The following SCAI variants were observed in gnomAD, a reference collection of about 807,000 sequenced individuals.
SCAI encodes the protein protein SCAI.
Under a neutral mutation model 92.2 loss-of-function variants are expected in SCAI, and 24 were observed. The observed-to-expected ratio is 0.26, with a 90% CI of 0.19 to 0.37. SCAI has a LOEUF of 0.37. Among genes scored for constraint, SCAI ranks in the 10% least tolerant of loss-of-function variants. The pLI, the probability that SCAI is intolerant of heterozygous loss-of-function variation, is 1.00. For missense variants in SCAI, 450 were observed against 736.2 expected, an observed-to-expected ratio of 0.61 and a Z score of 4.50; for synonymous variants, 261 against 258.6, an observed-to-expected ratio of 1.01 and a Z score of -0.09.
At chr9:125,089,739 C>G (rs1440158217) in intron 2 of SCAI, among the ~76,000 whole-genome samples, 2 of 152,068 alleles carry the variant, frequency 1.3e-5, no homozygotes, top group East Asian at 3.9e-4. Flanking sequence ...GGGTCTCACT[C>G]TGTCACCCAG....
In SCAI at chr9:125,127,725, C is replaced by T. The variant is rs929228393; in HGVS notation, c.98+14908G>A. ...CAAGCTGCTCCATTTAAGATTTTTC[C>T]GGCCGAACGAGGTGGCACACGCCTG... On this transcript the variant is annotated intron_variant, in intron 2 of 17. Coordinates refer to ENST00000336505, the MANE Select transcript of SCAI (RefSeq NM_001144877.3). 2.6e-5 allele frequency among the ~76,000 whole-genome samples: 4 copies of T among 151,960 alleles called. 1 individual carries two copies. The highest frequency in any genetic ancestry group is 4.1e-4 in the South Asian group (2 of 4,822).
At chr9:125,066,578 C>T (rs1833875695) in intron 2 of SCAI, among the ~76,000 whole-genome samples, 1 of 152,074 alleles carries the variant, frequency 6.6e-6, no homozygotes, top group Admixed American at 6.5e-5. Flanking sequence ...GCCTCAGCCT[C>T]ATGAGTAGCT....
At chr9:125,066,134 G>A in intron 2 of SCAI, 1 of 626,844 alleles carries the variant, frequency 1.6e-6, no homozygotes. Flanking sequence ...CATTTCCATA[G>A]AAATTTCAAA....
At chr9:125,099,758 C>G (rs1437175059) in intron 2 of SCAI, among the ~76,000 whole-genome samples, 1 of 152,126 alleles carries the variant, frequency 6.6e-6, no homozygotes, top group Non-Finnish European at 1.5e-5. Flanking sequence ...AATTTGACTA[C>G]TCTAAGTACT....
intron 3 of SCAI, among the ~76,000 whole-genome samples, chr9:125,031,053 C>CT (rs139013892): frequency 0.22 from 34,024 of 151,958 alleles, 4,234 homozygotes; most frequent in African/African-American, 0.31. Flanking sequence ...CCCCAAGTAC[C>CT]TTTTTTCAGT....
At position 124,971,663 on chromosome 9, in the gene SCAI, G is replaced by A; in HGVS notation, c.1573+8C>T. On this transcript the variant is annotated splice_region_variant and intron_variant, in intron 16 of 17. Transcript: ENST00000336505. ...TCTGTTAAACGTGCAGTTAGATTAG[G>A]AGGGTACCTATTGAACGTGAATGAG... The A allele has an allele frequency of 6.3e-7, 1 of 1,591,830 alleles. No individual in the cohort carries two copies.
chr9:125,028,338 A>G, intron 5 of SCAI, 54 bp downstream of exon 5: 6 of 981,384 alleles, frequency 6.1e-6, no homozygotes, highest in Non-Finnish European at 9.6e-6. Flanking sequence ...ATACTTCTGC[A>G]TGCTGTGTTT....
chr9:125,007,506 C>T (rs1832535560), intron 9 of SCAI, among the ~76,000 whole-genome samples: 1 of 152,094 alleles, frequency 6.6e-6, no homozygotes, highest in African/African-American at 2.4e-5. Context: ...CTTGGCAATA[C>T]AGCAACACCC....
intron 2 of SCAI, among the ~76,000 whole-genome samples, chr9:125,076,639 C>T (rs1235001640): frequency 6.6e-6 from 1 of 152,088 alleles, no homozygotes; most frequent in Non-Finnish European, 1.5e-5. Context: ...TCGAGGCAGG[C>T]AAATTGTTTG....
At chr9:125,137,488 C>T (rs1835565089) in intron 2 of SCAI, among the ~76,000 whole-genome samples, 1 of 152,208 alleles carries the variant, frequency 6.6e-6, no homozygotes, top group African/African-American at 2.4e-5. Context: ...TCCCTCTTTA[C>T]CTCTGAATCA....
At chr9:125,073,256 T>C (rs60593061) in intron 2 of SCAI, among the ~76,000 whole-genome samples, 3 of 149,350 alleles carry the variant, frequency 2.0e-5, no homozygotes, top group African/African-American at 2.5e-5. Context: ...AGGCGCCCGC[T>C]ACCACGCCCG....
chr9:125,046,196 GAT>G (rs71374222), intron 3 of SCAI, among the ~76,000 whole-genome samples: 5,651 of 51,836 alleles, frequency 0.11, 364 homozygotes, highest in South Asian at 0.17. Flanking sequence ...GAAATTGTGA[GAT>G]ATATATATAT....
At chr9:125,116,547 A>C (rs893502292) in intron 2 of SCAI, among the ~76,000 whole-genome samples, 1 of 152,146 alleles carries the variant, frequency 6.6e-6, no homozygotes, top group Non-Finnish European at 1.5e-5. Context: ...AGATGTTTAA[A>C]TTTTTTATTA....
intron 2 of SCAI, among the ~76,000 whole-genome samples, chr9:125,135,203 A>G (rs1835495934): frequency 6.6e-6 from 1 of 152,230 alleles, no homozygotes; most frequent in Non-Finnish European, 1.5e-5. Flanking sequence ...ATACAAAGAA[A>G]TAATAATGCA....
chr9:125,128,253 G>A (rs1009045698), intron 2 of SCAI, among the ~76,000 whole-genome samples: 1 of 151,990 alleles, frequency 6.6e-6, no homozygotes, highest in Non-Finnish European at 1.5e-5. Context: ...GGCGTTCAAG[G>A]TGCTGTAAGC....
chr9:125,107,429 G>T (rs374316574), intron 2 of SCAI, among the ~76,000 whole-genome samples: 1 of 150,232 alleles, frequency 6.7e-6, no homozygotes. Context: ...AAAAGAAAAA[G>T]AAAAGAAAAA....
At chr9:124,979,283 T>G (rs1187065035) in intron 14 of SCAI, among the ~76,000 whole-genome samples, 1 of 152,006 alleles carries the variant, frequency 6.6e-6, no homozygotes, top group African/African-American at 2.4e-5. Context: ...CTCATGCCTG[T>G]AATCCCAGCA....
At chr9:125,140,304 G>A (rs1045540747) in intron 2 of SCAI, among the ~76,000 whole-genome samples, 16 of 152,260 alleles carry the variant, frequency 1.1e-4, no homozygotes, top group African/African-American at 3.8e-4. Context: ...TAGTCAGACA[G>A]AGCACTTGAG....
rs1831141651 is a variant in SCAI, at chr9:124,946,106, C to T, written c.*6701G>A. The T allele has an allele frequency of 6.6e-6, 1 of 152,168 alleles. No homozygotes were observed. The highest frequency in any genetic ancestry group is 2.4e-5 in the African/African-American group (1 of 41,454). 9.4% of individuals were successfully genotyped at this position (152,168 alleles called of 1,614,324 possible). On this transcript the variant is annotated 3_prime_UTR_variant, in exon 18 of 18. Transcript: ENST00000336505. This position sits in a 1 kb window ranked among gnomAD's most constrained non-coding sequence, Gnocchi z 4.0. ...ACCACTACTGTCCTCAAATTAATAT[C>T]CACAAGGAGCCTGAGTCAGTTCCAT...
Sources: gnomAD v4.1 joint callset for allele counts (sites outside exome capture counted in the v4.1 genomes callset) on GRCh38, gnomAD v4.1.1 for gene constraint, Gnocchi (gnomAD v3.1) non-coding constraint, MANE v1.5 for transcripts, NCBI Gene and HGNC (gene_info 2026-07-23, HGNC 2026-07-21) for gene names.